Variants in HECW1 observed in about 807,000 individuals in gnomAD.
The protein encoded by HECW1 is HECT, C2 and WW domain containing E3 ubiquitin protein ligase 1.
In HECW1, 61 loss-of-function variants were observed where a neutral mutation model predicts 182.3. The observed-to-expected ratio is 0.33, with a 90% CI of 0.27 to 0.41. The LOEUF is 0.41. Among genes scored for constraint, HECW1 ranks in the 10% least tolerant of loss-of-function variants. The probability of loss-of-function intolerance (pLI) is 1.00; values close to 1 mark genes in which losing one functional copy is unlikely to be tolerated. For missense variants in HECW1, 1,739 were observed against 2,108.9 expected (o/e 0.82, Z 3.44); for synonymous variants, 859 against 832.6 (o/e 1.03, Z -0.55).
At chr7:43,301,041 T>G (rs1023957825) in intron 3 of HECW1, among the ~76,000 whole-genome samples, 7 of 152,172 alleles carry the variant, frequency 4.6e-5, no homozygotes, top group African/African-American at 1.7e-4. Flanking sequence ...ACACAGCAGC[T>G]CTGTCCACCT....
At chr7:43,446,034 A>G (rs2077043644) in intron 11 of HECW1, among the ~76,000 whole-genome samples, 1 of 152,250 alleles carries the variant, frequency 6.6e-6, no homozygotes, top group South Asian at 2.1e-4. Context: ...GTTGAAGAAC[A>G]GATTTTACCT....
chr7:43,468,976 C>A lies in HECW1; in HGVS notation c.2970C>A (p.Val990=). 1 of 1,614,210 alleles carries A rather than the reference C, an allele frequency of 6.2e-7. No homozygotes were observed. The highest frequency in any genetic ancestry group is 8.5e-7 in the Non-Finnish European group (1 of 1,180,050). The change falls in exon 16 of 30, where the codon GTC becomes GTA. Residue 990 remains valine, a synonymous_variant. Coordinates refer to ENST00000395891, the MANE Select transcript of HECW1 (RefSeq NM_015052.5). ...STCLKHMILK[V]RRDARNFERY... ...GCTTAAAGCACATGATTCTGAAAGT[C>A]CGACGGGATGCTCGCAATTTTGAAC...
At chr7:43,204,447 C>G (rs1392552251) in intron 2 of HECW1, among the ~76,000 whole-genome samples, 1 of 151,970 alleles carries the variant, frequency 6.6e-6, no homozygotes, top group Non-Finnish European at 1.5e-5. Flanking sequence ...GAGTGCAAAT[C>G]AAGTGAAAAA....
chr7:43,442,912 T>A (rs1428351742), intron 10 of HECW1, among the ~76,000 whole-genome samples: 1 of 152,232 alleles, frequency 6.6e-6, no homozygotes, highest in Non-Finnish European at 1.5e-5. Context: ...GTCTTATTTA[T>A]CATCCTACCC....
At chr7:43,265,878 G>A (rs1264627970) in intron 3 of HECW1, among the ~76,000 whole-genome samples, 1 of 152,114 alleles carries the variant, frequency 6.6e-6, no homozygotes, top group East Asian at 1.9e-4. Context: ...TAAAACACAG[G>A]GAAGAACTAT....
chr7:43,352,920 TG>T (rs1431035237), intron 5 of HECW1, among the ~76,000 whole-genome samples: 2 of 152,152 alleles, frequency 1.3e-5, no homozygotes, highest in African/African-American at 4.8e-5. Context: ...GTGCTACAGC[TG>T]GCCTACTAAT....
chr7:43,460,537 CGTGCGTGTGTGTGCGTGT>C (rs1399790712), intron 13 of HECW1, among the ~76,000 whole-genome samples: 3 of 151,334 alleles, frequency 2.0e-5, no homozygotes, highest in African/African-American at 7.3e-5. Context: ...TGTGTGCGCG[CGTGCGTGTGTGTGCGTGT>C]GTGCGTGTGT....
chr7:43,436,476 G>A lies in HECW1; in HGVS notation c.802-1527G>A, dbSNP rs564188831. Among the ~76,000 whole-genome samples the A allele has an allele frequency of 8.5e-5, 13 of 152,292 alleles. No individual in the cohort carries two copies. In the South Asian group the frequency reaches 2.5e-3, roughly 29 times the overall value. Reference sequence around the variant, plus strand: ...AGTCCGAAAAGGGAGTCAGCGAAGGGAGATATGGGTGGGGCTGTTTTACAG... The same window carrying A: ...AGTCCGAAAAGGGAGTCAGCGAAGGAAGATATGGGTGGGGCTGTTTTACAG... On this transcript the variant is annotated intron_variant, in intron 8 of 29. Coordinates refer to ENST00000395891, the MANE Select transcript of HECW1 (RefSeq NM_015052.5).
At chr7:43,420,659 A>C (rs1368293995) in intron 8 of HECW1, among the ~76,000 whole-genome samples, 1 of 152,236 alleles carries the variant, frequency 6.6e-6, no homozygotes, top group African/African-American at 2.4e-5. Flanking sequence ...AATAAATCAT[A>C]TTTCTATATG....
chr7:43,331,880 G>T (rs1811542078), intron 5 of HECW1, among the ~76,000 whole-genome samples: 1 of 152,198 alleles, frequency 6.6e-6, no homozygotes, highest in Admixed American at 6.5e-5. Flanking sequence ...GGGAATGTCA[G>T]AGATATGGGA....
chr7:43,127,829 A>G (rs1226394262), intron 2 of HECW1, among the ~76,000 whole-genome samples: 2 of 152,228 alleles, frequency 1.3e-5, no homozygotes, highest in Non-Finnish European at 2.9e-5. Context: ...CAAATTGTCC[A>G]GAAGATCCAG....
chr7:43,185,217 C>G (rs1483459733), intron 2 of HECW1, among the ~76,000 whole-genome samples: 1 of 152,088 alleles, frequency 6.6e-6, no homozygotes, highest in Non-Finnish European at 1.5e-5. Context: ...GGGTAGCACA[C>G]CTAGAGAGGG....
At chr7:43,224,653 C>T (rs984363214) in intron 2 of HECW1, among the ~76,000 whole-genome samples, 6 of 115,846 alleles carry the variant, frequency 5.2e-5, no homozygotes, top group African/African-American at 2.2e-4. Context: ...GACCCTGGCT[C>T]TACAGAAAAT....
rs1394336547 is a variant in HECW1, at chr7:43,562,018, T to C, written c.*92T>C. ...TCCCTTTCCCTTAATCAACTCTCCTTTGATTTTGGTATTCCATGATTTTTA... is the reference window on the plus strand; with the variant it reads ...TCCCTTTCCCTTAATCAACTCTCCTCTGATTTTGGTATTCCATGATTTTTA... On this transcript the variant is annotated 3_prime_UTR_variant, in exon 30 of 30. Coordinates refer to ENST00000395891, the MANE Select transcript of HECW1 (RefSeq NM_015052.5). 16 of 720,846 alleles carry C rather than the reference T, an allele frequency of 2.2e-5. No individual in the cohort carries two copies. Among genetic ancestry groups the C allele is most frequent in the Non-Finnish European group, 3.8e-5 (16 of 415,782 alleles). 44.7% of individuals were successfully genotyped at this position (720,846 alleles called of 1,614,324 possible). A position where few individuals can be genotyped will look rare whatever the true frequency, so the allele number is the denominator to read the frequency against.
chr7:43,198,671 TCA>T (rs906017396), intron 2 of HECW1, among the ~76,000 whole-genome samples: 25 of 133,444 alleles, frequency 1.9e-4, no homozygotes, highest in Middle Eastern at 4.4e-3. Context: ...ACCCCCACAC[TCA>T]CACACACACC....
intron 3 of HECW1, among the ~76,000 whole-genome samples, chr7:43,289,109 T>TC (rs1453006469): frequency 6.7e-6 from 1 of 150,144 alleles, no homozygotes; most frequent in Non-Finnish European, 1.5e-5. Flanking sequence ...CTCTTTTCTT[T>TC]TTTTTTTTTT....
Position 43,563,190 on chromosome 7 carries a change from G to A in HECW1, c.*1264G>A, listed in dbSNP as rs1248732193. ...CAGAAACATAACACCCCAAAGGCAC[G>A]TTGATTTGTATCAAAATAAATATCC... On this transcript the variant is annotated 3_prime_UTR_variant, in exon 30 of 30. Coordinates refer to ENST00000395891, the MANE Select transcript of HECW1 (RefSeq NM_015052.5). The A allele has an allele frequency of 1.5e-5, 3 of 203,412 alleles. No individual in the cohort carries two copies. Among genetic ancestry groups the A allele is most frequent in the Non-Finnish European group, 3.0e-5 (3 of 98,824 alleles). 12.6% of individuals were successfully genotyped at this position (203,412 alleles called of 1,614,324 possible).
At chr7:43,486,725 C>T (rs1285828160) in intron 17 of HECW1, among the ~76,000 whole-genome samples, 1 of 152,184 alleles carries the variant, frequency 6.6e-6, no homozygotes, top group African/African-American at 2.4e-5. Flanking sequence ...CCATTGTTGA[C>T]TGAAACATCG....
chr7:43,428,863 A>G (rs1452516277), intron 8 of HECW1, among the ~76,000 whole-genome samples: 1 of 152,144 alleles, frequency 6.6e-6, no homozygotes, highest in African/African-American at 2.4e-5. Context: ...GTTTAAGTGA[A>G]TCATCTCCAG....
Sources: allele counts gnomAD v4.1 joint callset (sites outside exome capture counted in the v4.1 genomes callset), GRCh38; gene constraint gnomAD v4.1.1; transcripts MANE v1.5; gene names NCBI Gene and HGNC (gene_info 2026-07-23, HGNC 2026-07-21).